Variants in GRID1 observed in about 807,000 individuals in gnomAD.
GRID1 encodes the protein glutamate ionotropic receptor delta type subunit 1.
GRID1 carries 28 observed loss-of-function variants against 98.0 expected under a neutral mutation model. The observed-to-expected ratio is 0.29, with a 90% confidence interval of 0.21 to 0.39. The LOEUF (loss-of-function observed/expected upper bound fraction) is 0.39, where lower values mean the gene tolerates loss of function less well. Ranked by LOEUF, GRID1 falls within the 10% of genes least tolerant of loss-of-function variation. GRID1 has a pLI of 1.00. For missense variants in GRID1, 1,111 were observed against 1,340.5 expected, an observed-to-expected ratio of 0.83 and a Z score of 2.67; for synonymous variants, 553 against 538.5, an observed-to-expected ratio of 1.03 and a Z score of -0.37.
Position 85,619,976 on chromosome 10 carries a change from G to C in GRID1, c.2251C>G (p.Leu751Val). Residue 751 changes from leucine (L) to valine (V), a missense_variant, in exon 14 of 16, where the codon CTG (leucine) becomes GTG (valine). Leu to Val is a conservative substitution (Grantham distance 32, BLOSUM62 1). Around this residue, in one of 3 missense-constraint regions of GRID1, gnomAD observed 762 missense variants for 869.1 expected, o/e 0.88. Transcript: ENST00000327946. Reference protein sequence around the residue: ...WDVAVVEYAALTDDDCSVTVI... With the variant: ...WDVAVVEYAAVTDDDCSVTVI... ...GTCACCGAGCAGTCGTCATCCGTCA[G>C]GGCTGCGTATTCCACCACGGCCACA... 6.2e-7 allele frequency: 1 copy of C among 1,614,012 alleles called. No individual in the cohort carries two copies. The highest frequency in any genetic ancestry group is 1.1e-5 in the South Asian group (1 of 91,088).
chr10:85,859,416 G>A (rs1466534148), intron 6 of GRID1, among the ~76,000 whole-genome samples: 3 of 151,892 alleles, frequency 2.0e-5, no homozygotes, highest in Non-Finnish European at 4.4e-5. Context: ...TGGATGGACG[G>A]ATGGATGGAT....
At chr10:85,693,193 G>C (rs1841352961) in intron 12 of GRID1, among the ~76,000 whole-genome samples, 1 of 152,182 alleles carries the variant, frequency 6.6e-6, no homozygotes, top group Non-Finnish European at 1.5e-5. Flanking sequence ...GTATTTGAGA[G>C]ATTTAGGGGG....
chr10:85,998,523 T>C (rs535042985), intron 4 of GRID1, among the ~76,000 whole-genome samples: 2 of 152,014 alleles, frequency 1.3e-5, no homozygotes, highest in African/African-American at 2.4e-5. Context: ...AAAATACTTA[T>C]ACTAAAAAAA....
At chr10:86,104,586 G>A (rs909757397) in intron 4 of GRID1, among the ~76,000 whole-genome samples, 1 of 152,204 alleles carries the variant, frequency 6.6e-6, no homozygotes, top group East Asian at 1.9e-4. Flanking sequence ...GCTCCTCTGC[G>A]GCCAGAGAAC....
At chr10:85,982,764 T>C (rs1414347971) in intron 4 of GRID1, among the ~76,000 whole-genome samples, 2 of 152,186 alleles carry the variant, frequency 1.3e-5, no homozygotes, top group Non-Finnish European at 2.9e-5. Flanking sequence ...AAAGTGACTT[T>C]CTTTCCCCAT....
rs201280062 is a variant in GRID1 at position 85,737,685 on chromosome 10, G to GTT, written c.1234-8073_1234-8072dup. ...ATATATATATATATAAACATATATG[G>GTT]TTATATATATATATATATAACATAC... On this transcript the variant is annotated intron_variant, in intron 8 of 15. Coordinates refer to ENST00000327946, the MANE Select transcript of GRID1 (RefSeq NM_017551.3). Among the ~76,000 whole-genome samples, 179 of 78,474 alleles carry GTT rather than the reference G, an allele frequency of 2.3e-3. 8 individuals are homozygous for GTT. The highest frequency in any genetic ancestry group is 9.6e-3 in the East Asian group (38 of 3,946). The allele number at this position is 78,474 out of a possible 152,430, so 51.5% of individuals were successfully genotyped here.
At chr10:85,738,314 C>A (rs184328028) in intron 8 of GRID1, among the ~76,000 whole-genome samples, 218 of 152,284 alleles carry the variant, frequency 1.4e-3, no homozygotes, top group African/African-American at 5.0e-3. Context: ...CATCAGGGAA[C>A]TGCAAAGTAA....
intron 4 of GRID1, among the ~76,000 whole-genome samples, chr10:86,087,444 G>C (rs916409425): frequency 2.7e-5 from 4 of 150,168 alleles, no homozygotes; most frequent in Non-Finnish European, 5.9e-5. Context: ...GACCTGTTGT[G>C]ATAGGTTGTT....
At chr10:86,287,482 A>G (rs1224362636) in intron 2 of GRID1, among the ~76,000 whole-genome samples, 1 of 152,198 alleles carries the variant, frequency 6.6e-6, no homozygotes, top group African/African-American at 2.4e-5. Context: ...GAACTACTGC[A>G]CAGTGCTTGC....
chr10:85,838,712 C>T (rs1842934406), intron 8 of GRID1, among the ~76,000 whole-genome samples: 1 of 152,102 alleles, frequency 6.6e-6, no homozygotes. Flanking sequence ...GTACACAGAC[C>T]AGTGACACTA....
At chr10:85,946,884 G>A (rs1349373285) in intron 4 of GRID1, among the ~76,000 whole-genome samples, 1 of 152,180 alleles carries the variant, frequency 6.6e-6, no homozygotes, top group East Asian at 1.9e-4. Flanking sequence ...CCAATAGTAG[G>A]TGAATATGAG....
intron 15 of GRID1, among the ~76,000 whole-genome samples, chr10:85,611,987 C>G (rs1411871411): frequency 6.6e-6 from 1 of 152,152 alleles, no homozygotes; most frequent in East Asian, 1.9e-4. Flanking sequence ...GCAGCTGGCC[C>G]CAGCTTCACA....
chr10:85,694,550 GTATATATATA>G (rs56344083), intron 12 of GRID1, among the ~76,000 whole-genome samples: 2,338 of 92,060 alleles, frequency 0.025, 54 homozygotes, highest in Non-Finnish European at 0.037. Flanking sequence ...AATGTGGTGT[GTATATATATA>G]TATATATATA....
intron 8 of GRID1, among the ~76,000 whole-genome samples, chr10:85,798,131 A>G (rs1431595723): frequency 6.6e-6 from 1 of 152,220 alleles, no homozygotes; most frequent in East Asian, 1.9e-4. Context: ...ATACCCAGCA[A>G]TGGGATTGCT....
chr10:85,705,576 G>A (rs1203867439), intron 12 of GRID1, among the ~76,000 whole-genome samples: 1 of 152,146 alleles, frequency 6.6e-6, no homozygotes, highest in Non-Finnish European at 1.5e-5. Context: ...CCAACCAATA[G>A]AAAAGGAGGG....
chr10:86,140,128 C>T (rs1386161845), intron 3 of GRID1, among the ~76,000 whole-genome samples: 2 of 152,186 alleles, frequency 1.3e-5, no homozygotes, highest in African/African-American at 4.8e-5. Context: ...CACGTGCAGC[C>T]CAGAGTCTCA....
At chr10:86,292,872 A>C (rs1006047883) in intron 2 of GRID1, among the ~76,000 whole-genome samples, 1 of 151,476 alleles carries the variant, frequency 6.6e-6, no homozygotes, top group Non-Finnish European at 1.5e-5. Context: ...GGCAGATGTG[A>C]GTGTGGAATG....
chr10:85,755,039 C>G (rs1309318923), intron 8 of GRID1, among the ~76,000 whole-genome samples: 2 of 152,108 alleles, frequency 1.3e-5, no homozygotes, highest in African/African-American at 2.4e-5. Flanking sequence ...TGAAGCAGCC[C>G]GATCATGAGC....
chr10:85,720,698 C>T (rs936076748), intron 12 of GRID1, among the ~76,000 whole-genome samples: 1 of 148,680 alleles, frequency 6.7e-6, no homozygotes, highest in African/African-American at 2.5e-5. Context: ...AAACTCTCAA[C>T]CTAAACCTCA....
Sources: gnomAD v4.1 joint callset for allele counts (sites outside exome capture counted in the v4.1 genomes callset) on GRCh38, gnomAD v4.1.1 for gene constraint, gnomAD v4.1.1 regional missense constraint, MANE v1.5 for transcripts, NCBI Gene and HGNC (gene_info 2026-07-23, HGNC 2026-07-21) for gene names.